HSD17B12: variants seen among roughly 807,000 people sequenced by gnomAD.
HSD17B12 encodes hydroxysteroid 17-beta dehydrogenase 12.
Under a neutral mutation model 39.3 loss-of-function variants are expected in HSD17B12, and 32 were observed. That is an observed-to-expected ratio of 0.81 (90% CI 0.61 to 1.09). The LOEUF is 1.09. Among genes scored for constraint, HSD17B12 ranks in the 50% least tolerant of loss-of-function variants. The probability of loss-of-function intolerance (pLI) is 0.00; values close to 1 mark genes in which losing one functional copy is unlikely to be tolerated. For synonymous variants in HSD17B12, 150 were observed against 146.7 expected, an observed-to-expected ratio of 1.02 and a Z score of -0.16; for missense variants, 342 against 382.9, an observed-to-expected ratio of 0.89 and a Z score of 0.89.
intron 3 of HSD17B12, among the ~76,000 whole-genome samples, chr11:43,794,777 A>G (rs1022558561): frequency 6.6e-6 from 1 of 152,164 alleles, no homozygotes; most frequent in Non-Finnish European, 1.5e-5. Context: ...TGTGGCTCAT[A>G]TCATATTCAT....
chr11:43,701,978 A>G (rs556292902), intron 1 of HSD17B12, among the ~76,000 whole-genome samples: 19 of 152,222 alleles, frequency 1.2e-4, no homozygotes, highest in Non-Finnish European at 2.6e-4. Flanking sequence ...ATATCTTCCA[A>G]TTTTTTGGTG....
intron 3 of HSD17B12, among the ~76,000 whole-genome samples, chr11:43,781,087 G>C (rs1426647347): frequency 6.6e-6 from 1 of 151,930 alleles, no homozygotes; most frequent in Non-Finnish European, 1.5e-5. Context: ...TTCTTATCTT[G>C]TCTTCCCCCC....
the HSD17B12 span, among the ~76,000 whole-genome samples, chr11:43,596,108 C>T: frequency 6.6e-6 from 1 of 152,122 alleles, no homozygotes; most frequent in Non-Finnish European, 1.5e-5. Flanking sequence ...CCAGGCTGGT[C>T]TGAAACTCCT....
At chr11:43,645,093 C>T in the HSD17B12 span, 3 of 152,186 alleles carry the variant, frequency 2.0e-5, no homozygotes, top group Admixed American at 6.5e-5. Flanking sequence ...TTACTCTTGG[C>T]TCAGAGTTTC....
At chr11:43,792,891 G>A (rs1473607782) in intron 3 of HSD17B12, among the ~76,000 whole-genome samples, 1 of 151,982 alleles carries the variant, frequency 6.6e-6, no homozygotes, top group Admixed American at 6.6e-5. Context: ...TGTAAGAAAT[G>A]TAATTTCTAT....
chr11:43,624,450 C>T, the HSD17B12 span, among the ~76,000 whole-genome samples: 5 of 151,858 alleles, frequency 3.3e-5, no homozygotes, highest in East Asian at 9.6e-4. Context: ...AAAAGAGACT[C>T]ATTAAGCTAT....
chr11:43,629,070 T>A, the HSD17B12 span, among the ~76,000 whole-genome samples: 1 of 152,098 alleles, frequency 6.6e-6, no homozygotes. Flanking sequence ...TCCCTACCAA[T>A]TTTTTTCCAT....
the HSD17B12 span, among the ~76,000 whole-genome samples, chr11:43,634,267 C>A: frequency 6.6e-6 from 1 of 151,714 alleles, no homozygotes; most frequent in Admixed American, 6.6e-5. Context: ...GACCTTTTAC[C>A]CTAGTCTCTA....
At chr11:43,630,460 G>C in the HSD17B12 span, among the ~76,000 whole-genome samples, 2 of 152,136 alleles carry the variant, frequency 1.3e-5, no homozygotes, top group Admixed American at 1.3e-4. Flanking sequence ...CATTCTGTTT[G>C]CTACTCATGC....
chr11:43,822,439 C>T (rs903047104), intron 6 of HSD17B12, among the ~76,000 whole-genome samples: 2 of 152,216 alleles, frequency 1.3e-5, no homozygotes, highest in Admixed American at 6.5e-5. Flanking sequence ...CCCATTAACT[C>T]GTCATTTACA....
chr11:43,850,455 C>A (rs140656092), intron 9 of HSD17B12, among the ~76,000 whole-genome samples: 1 of 152,270 alleles, frequency 6.6e-6, no homozygotes, highest in Non-Finnish European at 1.5e-5. Context: ...TATGAAATCT[C>A]ATACTGTGCA....
the HSD17B12 span, among the ~76,000 whole-genome samples, chr11:43,583,414 T>C: frequency 6.6e-6 from 1 of 152,226 alleles, no homozygotes; most frequent in African/African-American, 2.4e-5. Flanking sequence ...CTGCAGCTGC[T>C]GCTTGGGGCG....
intron 1 of HSD17B12, among the ~76,000 whole-genome samples, chr11:43,685,286 C>CTTAGCCATGCTCAAGA (rs56119404): frequency 0.017 from 2,622 of 152,206 alleles, 90 homozygotes; most frequent in African/African-American, 0.06. Context: ...TGAAAACATG[C>CTTAGCCATGCTCAAGA]ATCAAAGGAT....
At chr11:43,848,163 G>A (rs1305251939) in intron 9 of HSD17B12, among the ~76,000 whole-genome samples, 1 of 152,136 alleles carries the variant, frequency 6.6e-6, no homozygotes, top group African/African-American at 2.4e-5. Context: ...GAGTTATAAA[G>A]CAATATAAAG....
chr11:43,556,748 C>A, the HSD17B12 span, among the ~76,000 whole-genome samples: 49 of 145,788 alleles, frequency 3.4e-4, no homozygotes, highest in Admixed American at 1.3e-3. Context: ...GCACTGAACG[C>A]GAACTGTTTT....
chr11:43,620,911 T>C, the HSD17B12 span, among the ~76,000 whole-genome samples: 984 of 152,284 alleles, frequency 6.5e-3, 6 homozygotes, highest in African/African-American at 0.023. Flanking sequence ...ATGTAGAAAG[T>C]ATTGTTCACT....
At chr11:43,662,311 G>C in the HSD17B12 span, among the ~76,000 whole-genome samples, 1 of 149,586 alleles carries the variant, frequency 6.7e-6, no homozygotes, top group South Asian at 2.1e-4. Context: ...CAGTTCTCCT[G>C]TCTTACCCTC....
chr11:43,619,492 C>T, the HSD17B12 span, among the ~76,000 whole-genome samples: 7 of 150,312 alleles, frequency 4.7e-5, no homozygotes, highest in East Asian at 3.9e-4. Context: ...CAGGTTCAAG[C>T]GATTCTCCTG....
chr11:43,825,781 A>G (rs1951229051), intron 6 of HSD17B12, among the ~76,000 whole-genome samples: 1 of 152,246 alleles, frequency 6.6e-6, no homozygotes, highest in East Asian at 1.9e-4. Context: ...GGTTTTGCCA[A>G]ACGGCATGAT....
Sources: allele counts gnomAD v4.1 joint callset (sites outside exome capture counted in the v4.1 genomes callset), GRCh38; gene constraint gnomAD v4.1.1; transcripts MANE v1.5; gene names NCBI Gene and HGNC (gene_info 2026-07-23, HGNC 2026-07-21).